Variants in MPG observed in about 807,000 individuals in gnomAD.
MPG encodes the protein DNA-3-methyladenine glycosylase.
In MPG, 33 loss-of-function variants were observed where a neutral mutation model predicts 31.7. The ratio of observed to expected loss-of-function variants is 1.04; its 90% CI spans 0.79 to 1.39. The LOEUF (loss-of-function observed/expected upper bound fraction) is 1.39. MPG is among the 40% of genes most tolerant of loss of function. The probability of loss-of-function intolerance (pLI) is 0.00; values close to 1 mark genes in which losing one functional copy is unlikely to be tolerated. For synonymous variants in MPG, 202 were observed against 169.2 expected (o/e 1.19, Z -1.51); for missense variants, 455 against 415.5 (o/e 1.10, Z -0.83).
intron 2 of MPG, chr16:79,941 C>G: frequency 3.4e-6 from 2 of 582,026 alleles, no homozygotes; most frequent in Non-Finnish European, 6.1e-6. Flanking sequence ...CCACTGTCTG[C>G]CCCCGGCTCT....
chr16:79,142 A>G lies in MPG; in HGVS notation c.25-283A>G. The G allele has an allele frequency of 2.7e-6, 4 of 1,502,716 alleles. No individual in the cohort carries two copies. In the South Asian group the frequency reaches 5.2e-5, roughly 19 times the overall value. The allele number at this position is 1,502,716 out of a possible 1,614,324, so 93.1% of individuals were successfully genotyped here. A position where few individuals can be genotyped will look rare whatever the true frequency, so the allele number is the denominator to read the frequency against. Reference sequence around the variant, plus strand: ...CAGGCCCCCATCTGCTCCCCAGGTCATGCAGCCTGGGCCCCCATGCCGTGC... The same window carrying G: ...CAGGCCCCCATCTGCTCCCCAGGTCGTGCAGCCTGGGCCCCCATGCCGTGC... On this transcript the variant is annotated intron_variant, in intron 1 of 3. Coordinates refer to ENST00000356432, the MANE Select transcript of MPG (RefSeq NM_001015052.3).
At chr16:82,934 G>C in intron 2 of MPG, 118 bp from the exon 3 acceptor site, 2 of 855,530 alleles carry the variant, frequency 2.3e-6, no homozygotes, top group Non-Finnish European at 3.6e-6. Flanking sequence ...CAAGGTCCCT[G>C]GCTAGACCTG....
chr16:81,242 G>T (rs916846177), intron 2 of MPG, among the ~76,000 whole-genome samples: 1 of 152,204 alleles, frequency 6.6e-6, no homozygotes, highest in African/African-American at 2.4e-5. Context: ...CCATGGGGGT[G>T]GGGAGGGGTG....
chr16:83,072 T>A lies in MPG; in HGVS notation c.321T>A (p.Pro107=). ...FLGQVLVRRL[P]NGTELRGRIV... is the part of the protein sequence containing the mutation. Reference sequence around the variant, plus strand: ...CACAGGTCCTAGTCCGGCGACTTCCTAATGGCACAGAACTCCGAGGCCGCA... The same window carrying A: ...CACAGGTCCTAGTCCGGCGACTTCCAAATGGCACAGAACTCCGAGGCCGCA... Residue 107 remains proline (P), a synonymous_variant, in exon 3 of 4, where the codon CCT becomes CCA. Transcript: ENST00000356432. 1 of 1,607,278 alleles carries A rather than the reference T, an allele frequency of 6.2e-7. No individual in the cohort carries two copies. The highest frequency in any genetic ancestry group is 8.5e-7 in the Non-Finnish European group (1 of 1,175,948).
intron 2 of MPG, among the ~76,000 whole-genome samples, chr16:82,814 C>T (rs969908904): frequency 2.0e-5 from 3 of 152,214 alleles, no homozygotes; most frequent in Non-Finnish European, 4.4e-5. Flanking sequence ...CCTGAGGTAT[C>T]TTCGGCCTGC....
rs758631728 is a variant in MPG, at chr16:85,625, C to T, written c.730C>T (p.Leu244=). 2 of 1,598,302 alleles carry T rather than the reference C, an allele frequency of 1.3e-6. No individual in the cohort carries two copies. Among genetic ancestry groups the T allele is most frequent in the Non-Finnish European group, 1.7e-6 (2 of 1,168,534 alleles). Residue 244 remains leucine (L), a synonymous_variant, in exon 4 of 4, where the codon CTG becomes TTG. Transcript: ENST00000356432. The part of the protein sequence containing the change: ...DEAVWLERGP[L]EPSEPAVVAA... ...AGCTGTATGGCTGGAGCGTGGTCCC[C>T]TGGAGCCCAGTGAGCCGGCTGTAGT... is the stretch of plus-strand genomic sequence containing the variant.
chr16:83,648 G>A (rs924992210), intron 3 of MPG, among the ~76,000 whole-genome samples: 3 of 151,902 alleles, frequency 2.0e-5, no homozygotes, highest in South Asian at 2.1e-4. Flanking sequence ...GGCGGAGGCA[G>A]GAGAATCGCT....
chr16:85,460 C>T lies in MPG; in HGVS notation c.565C>T (p.Arg189Cys), dbSNP rs570538336. The T allele has an allele frequency of 3.4e-5, 55 of 1,612,978 alleles. No individual in the cohort carries two copies. The highest frequency in any genetic ancestry group is 1.7e-4 in the Middle Eastern group (1 of 6,024). ...LEPLEGLETM[R>C]QLRSTLRKGT... ...GCCCCTGGAAGGTCTGGAGACCATG[C>T]GTCAGCTTCGCAGCACCCTCCGGAA... Residue 189 changes from arginine (R) to cysteine (C), a missense_variant, in exon 4 of 4, where the codon CGT becomes TGT. Coordinates refer to ENST00000356432, the MANE Select transcript of MPG (RefSeq NM_001015052.3).
rs1309475369 is a variant in MPG at position 79,757 on chromosome 16, C to T, written c.300+57C>T. 6.6e-6 allele frequency: 10 copies of T among 1,505,554 alleles called. No individual in the cohort carries two copies. The Admixed American group carries it at 2.0e-4, about 31-fold the overall frequency. 93.3% of individuals were successfully genotyped at this position (1,505,554 alleles called of 1,614,324 possible). A position where few individuals can be genotyped will look rare whatever the true frequency, so the allele number is the denominator to read the frequency against. ...GAAGTGCCTGTCACTGCAGTTGTCC[C>T]TGAACCCCTGTCCGCTGCCTGCTGG... On this transcript the variant is annotated intron_variant, in intron 2 of 3. Coordinates refer to ENST00000356432, the MANE Select transcript of MPG (RefSeq NM_001015052.3).
intron 3 of MPG, among the ~76,000 whole-genome samples, chr16:83,870 G>A (rs1282930832): frequency 6.6e-6 from 1 of 152,196 alleles, no homozygotes; most frequent in Non-Finnish European, 1.5e-5. Flanking sequence ...TGGAGAAGAG[G>A]ATGACTGCAG....
At chr16:83,015 T>C (rs371945388) in intron 2 of MPG, 37 bp from the exon 3 acceptor site, 4 of 1,446,816 alleles carry the variant, frequency 2.8e-6, no homozygotes, top group Non-Finnish European at 3.8e-6. Flanking sequence ...TGGACCCCCA[T>C]CCCTTCCCGC....
intron 2 of MPG, among the ~76,000 whole-genome samples, chr16:80,778 C>T (rs549487585): frequency 1.2e-4 from 19 of 152,168 alleles, no homozygotes; most frequent in South Asian, 4.2e-4. Flanking sequence ...CATTGCACTC[C>T]GGCCTGGGCG....
chr16:79,972 C>T (rs1416198477), intron 2 of MPG: 3 of 546,972 alleles, frequency 5.5e-6, no homozygotes, highest in Non-Finnish European at 9.8e-6. Context: ...GGCAGGAGCA[C>T]TTGCACCGTT....
chr16:77,146 G>A (rs912802517), upstream of MPG: 1 of 152,308 alleles, frequency 6.6e-6, no homozygotes, highest in Non-Finnish European at 1.5e-5. Flanking sequence ...CCAGGACCAG[G>A]GTCACAGAAG....
intron 3 of MPG, among the ~76,000 whole-genome samples, chr16:85,179 C>G (rs1043659853): frequency 3.3e-5 from 5 of 152,212 alleles, no homozygotes; most frequent in Middle Eastern, 3.2e-3. Context: ...ATGGTGCAGG[C>G]TTGGAGGATG....
At chr16:82,603 C>G (rs984143825) in intron 2 of MPG, among the ~76,000 whole-genome samples, 4 of 152,224 alleles carry the variant, frequency 2.6e-5, no homozygotes, top group African/African-American at 9.6e-5. Context: ...TTCACGGGCT[C>G]TGGGATTGCC....
upstream of MPG, chr16:77,082 C>G (rs978410269): frequency 6.6e-6 from 1 of 152,310 alleles, no homozygotes; most frequent in Non-Finnish European, 1.5e-5. Context: ...GCGTCTCCCA[C>G]CTGACGCGGC....
chr16:78,931 A>G (rs905377203), intron 1 of MPG, among the ~76,000 whole-genome samples: 23 of 152,182 alleles, frequency 1.5e-4, no homozygotes, highest in Admixed American at 4.6e-4. Context: ...GACCCTGAGC[A>G]CGCGGTGGTC....
intron 1 of MPG, chr16:79,067 C>T: frequency 1.4e-6 from 2 of 1,436,406 alleles, no homozygotes; most frequent in South Asian, 1.5e-5. Context: ...TTGCTTGGGA[C>T]CTGCATGATG....
Sources: allele counts gnomAD v4.1 joint callset (sites outside exome capture counted in the v4.1 genomes callset), GRCh38; gene constraint gnomAD v4.1.1; transcripts MANE v1.5; gene names NCBI Gene and HGNC (gene_info 2026-07-23, HGNC 2026-07-21).